Variants in PTCHD4 observed in about 807,000 individuals in gnomAD.
PTCHD4 encodes the protein patched domain-containing protein 4.
Under a neutral mutation model 58.1 loss-of-function variants are expected in PTCHD4, and 33 were observed. The observed-to-expected ratio is 0.57, with a 90% CI of 0.43 to 0.76. The LOEUF is 0.76. PTCHD4 is among the 30% of genes least tolerant of loss of function. The pLI, the probability that PTCHD4 is intolerant of heterozygous loss-of-function variation, is 0.00. For synonymous variants in PTCHD4, 478 were observed against 409.6 expected, an observed-to-expected ratio of 1.17 and a Z score of -2.02; for missense variants, 1,058 against 1,027.1, an observed-to-expected ratio of 1.03 and a Z score of -0.41.
chr6:48,106,195 A>G (rs917569988), intron 1 of PTCHD4, among the ~76,000 whole-genome samples: 4 of 152,190 alleles, frequency 2.6e-5, no homozygotes, highest in African/African-American at 9.7e-5. Flanking sequence ...TGATGCAAAA[A>G]TCCTCAATAA....
rs1407571715 is a variant in PTCHD4, at chr6:47,865,362, T to A, written c.*12941A>T. Among the ~76,000 whole-genome samples, 1 of 151,876 alleles carries A rather than the reference T, an allele frequency of 6.6e-6. No individual in the cohort carries two copies. The highest frequency in any genetic ancestry group is 1.5e-5 in the Non-Finnish European group (1 of 67,882). On this transcript the variant is annotated 3_prime_UTR_variant, in exon 5 of 5. Coordinates refer to ENST00000339488, the MANE Select transcript of PTCHD4 (RefSeq NM_001384253.1). ...AACCAAATCAACTGTTCTGTAAAGA[T>A]AAAGCAATTTCCTGAAAATTTGTGG... is the stretch of plus-strand genomic sequence containing the variant.
intron 4 of PTCHD4, among the ~76,000 whole-genome samples, chr6:47,965,783 T>C (rs538499845): frequency 2.6e-5 from 4 of 151,916 alleles, no homozygotes; most frequent in Non-Finnish European, 2.9e-5. Context: ...AAAAAATTGG[T>C]GGGCGCCAGT....
chr6:48,047,933 C>T (rs1020595131), intron 3 of PTCHD4, among the ~76,000 whole-genome samples: 2 of 148,816 alleles, frequency 1.3e-5, no homozygotes, highest in African/African-American at 5.0e-5. Context: ...AAGATAAGAG[C>T]ATACAAATGT....
chr6:47,880,130 CA>C (rs1763977675), intron 4 of PTCHD4, among the ~76,000 whole-genome samples, 194 bp from the exon 5 acceptor site: 1 of 151,994 alleles, frequency 6.6e-6, no homozygotes, highest in African/African-American at 2.4e-5. Context: ...TAGCAAAGCC[CA>C]AATTTATTGA....
At chr6:47,958,540 C>T (rs775520255) in intron 4 of PTCHD4, among the ~76,000 whole-genome samples, 2 of 152,146 alleles carry the variant, frequency 1.3e-5, no homozygotes, top group Non-Finnish European at 2.9e-5. Context: ...GAGGGGAACA[C>T]TGGGCAGCAC....
chr6:48,047,816 T>C (rs922843275), intron 3 of PTCHD4, among the ~76,000 whole-genome samples: 3 of 151,844 alleles, frequency 2.0e-5, no homozygotes, highest in Non-Finnish European at 4.4e-5. Context: ...ATGAATATGA[T>C]AGTGCCTTGG....
intron 1 of PTCHD4, among the ~76,000 whole-genome samples, chr6:48,070,491 G>C (rs1178086252): frequency 6.6e-6 from 1 of 152,142 alleles, no homozygotes; most frequent in Non-Finnish European, 1.5e-5. Context: ...AAAGTGTCTA[G>C]AAGAAGGTGT....
intron 4 of PTCHD4, among the ~76,000 whole-genome samples, chr6:47,938,277 T>C (rs1299765781): frequency 6.6e-6 from 1 of 152,160 alleles, no homozygotes; most frequent in Non-Finnish European, 1.5e-5. Context: ...TGGAGGTCAA[T>C]GGGAACTGGA....
chr6:48,110,004 A>G (rs1765830812), intron 1 of PTCHD4, among the ~76,000 whole-genome samples: 1 of 152,166 alleles, frequency 6.6e-6, no homozygotes, highest in South Asian at 2.1e-4. Context: ...CTTGTATACA[A>G]CTGTTGGAAA....
intron 4 of PTCHD4, among the ~76,000 whole-genome samples, chr6:47,915,400 C>T (rs773855263): frequency 2.2e-4 from 34 of 152,116 alleles, no homozygotes; most frequent in East Asian, 5.8e-4. Flanking sequence ...TTATGGAGAT[C>T]GCTTCAAGAT....
At chr6:47,954,768 T>C (rs1766789769) in intron 4 of PTCHD4, among the ~76,000 whole-genome samples, 1 of 152,232 alleles carries the variant, frequency 6.6e-6, no homozygotes, top group South Asian at 2.1e-4. Context: ...GCTACTCCCC[T>C]ATCTGTAAGT....
At chr6:47,896,159 C>T (rs1205659352) in intron 4 of PTCHD4, among the ~76,000 whole-genome samples, 1 of 152,100 alleles carries the variant, frequency 6.6e-6, no homozygotes, top group Non-Finnish European at 1.5e-5. Context: ...GAACATTTAC[C>T]TGCTGTGAAT....
intron 4 of PTCHD4, among the ~76,000 whole-genome samples, chr6:47,935,453 G>A (rs7774210): frequency 2.0e-5 from 3 of 152,064 alleles, no homozygotes; most frequent in Admixed American, 1.3e-4. Flanking sequence ...CTCATCTTGC[G>A]CTTTCTGCCA....
At chr6:48,062,005 T>A (rs1764644982) in intron 3 of PTCHD4, among the ~76,000 whole-genome samples, 1 of 108,502 alleles carries the variant, frequency 9.2e-6, no homozygotes, top group Admixed American at 1.0e-4. Flanking sequence ...ATTGAGCCTA[T>A]GTCTGGATGT....
chr6:47,920,114 T>G (rs1433060503), intron 4 of PTCHD4, among the ~76,000 whole-genome samples: 1 of 152,122 alleles, frequency 6.6e-6, no homozygotes, highest in East Asian at 1.9e-4. Flanking sequence ...TATTGATTGT[T>G]TAAGCAGTCA....
intron 4 of PTCHD4, among the ~76,000 whole-genome samples, chr6:47,984,490 A>T (rs2753187): frequency 2.6e-5 from 4 of 152,112 alleles, no homozygotes; most frequent in South Asian, 2.1e-4. Context: ...GTCCCTCCCT[A>T]GACATATGGG....
Position 47,871,092 on chromosome 6 carries a change from T to C in PTCHD4, c.*7211A>G, listed in dbSNP as rs1763702352. Among the ~76,000 whole-genome samples the C allele has an allele frequency of 6.6e-6, 1 of 151,640 alleles. No homozygotes were observed. The highest frequency in any genetic ancestry group is 2.4e-5 in the African/African-American group (1 of 41,386). On this transcript the variant is annotated 3_prime_UTR_variant, in exon 5 of 5. Coordinates refer to ENST00000339488, the MANE Select transcript of PTCHD4 (RefSeq NM_001384253.1). The stretch of plus-strand genomic sequence containing the variant: ...GGATTAAGAACAAGTGGGTTTTGTT[T>C]TAGGAAAGAAAATAAAAATGCTCAA...
At chr6:48,040,574 C>T (rs1050347836) in intron 3 of PTCHD4, among the ~76,000 whole-genome samples, 8 of 152,042 alleles carry the variant, frequency 5.3e-5, no homozygotes, top group Middle Eastern at 3.4e-3. Flanking sequence ...TTCTATATTA[C>T]GAACAAGGAG....
intron 4 of PTCHD4, among the ~76,000 whole-genome samples, chr6:47,985,675 A>T (rs1451515327): frequency 2.6e-5 from 4 of 151,964 alleles, no homozygotes; most frequent in Admixed American, 2.6e-4. Context: ...TTTTATTGCC[A>T]TGCCCTATTT....
Sources: allele counts gnomAD v4.1 joint callset (sites outside exome capture counted in the v4.1 genomes callset), GRCh38; gene constraint gnomAD v4.1.1; transcripts MANE v1.5; gene names NCBI Gene and HGNC (gene_info 2026-07-23, HGNC 2026-07-21).